The following DCDC2 variants were observed in gnomAD, a reference collection of about 807,000 sequenced individuals.
DCDC2 encodes the protein doublecortin domain containing 2.
DCDC2 carries 40 observed loss-of-function variants against 50.2 expected under a neutral mutation model. The observed-to-expected ratio is 0.80, with a 90% CI of 0.62 to 1.04. The LOEUF is 1.04. Among genes scored for constraint, DCDC2 ranks in the 50% least tolerant of loss-of-function variants. The probability of loss-of-function intolerance (pLI) is 0.00; values close to 1 mark genes in which losing one functional copy is unlikely to be tolerated. For synonymous variants in DCDC2, 234 were observed against 210.6 expected (o/e 1.11, Z -0.96); for missense variants, 570 against 581.9 (o/e 0.98, Z 0.21).
At chr6:24,261,652 T>C (rs1367690700) in intron 7 of DCDC2, among the ~76,000 whole-genome samples, 1 of 152,074 alleles carries the variant, frequency 6.6e-6, no homozygotes, top group Admixed American at 6.5e-5. Context: ...TTCAATAATA[T>C]CCTTCCTTAT....
At chr6:24,225,454 C>G (rs965885864) in intron 7 of DCDC2, among the ~76,000 whole-genome samples, 3 of 151,808 alleles carry the variant, frequency 2.0e-5, no homozygotes, top group Admixed American at 6.6e-5. Context: ...CATATACATA[C>G]TGAACGTAGA....
intron 8 of DCDC2, among the ~76,000 whole-genome samples, chr6:24,184,364 G>A (rs1274256308): frequency 6.6e-6 from 1 of 151,958 alleles, no homozygotes; most frequent in Non-Finnish European, 1.5e-5. Flanking sequence ...CTGAGCTCGG[G>A]AGTTCAAGAC....
At chr6:24,229,167 G>A (rs1182661907) in intron 7 of DCDC2, among the ~76,000 whole-genome samples, 1 of 152,146 alleles carries the variant, frequency 6.6e-6, no homozygotes, top group African/African-American at 2.4e-5. Flanking sequence ...CAGAGTCTGA[G>A]GCACATCTCA....
At chr6:24,380,626 A>T in the DCDC2 span, among the ~76,000 whole-genome samples, 3 of 152,200 alleles carry the variant, frequency 2.0e-5, no homozygotes, top group Non-Finnish European at 1.5e-5. Context: ...TTTTTATCAT[A>T]GATTTGTTCT....
intron 7 of DCDC2, among the ~76,000 whole-genome samples, chr6:24,234,207 AAGG>A (rs1245757265): frequency 2.0e-5 from 3 of 147,468 alleles, no homozygotes; most frequent in Non-Finnish European, 4.5e-5. Context: ...CCGTATGAGG[AAGG>A]AGAATTTTAA....
At chr6:24,268,954 A>G (rs1439597443) in intron 7 of DCDC2, among the ~76,000 whole-genome samples, 1 of 152,218 alleles carries the variant, frequency 6.6e-6, no homozygotes, top group Admixed American at 6.5e-5. Context: ...ATTGTATAAA[A>G]TAAGAATAAA....
At chr6:24,205,238 C>CCCT (rs1220445122) in intron 7 of DCDC2, 136 bp from the exon 8 acceptor site, 2 of 1,588,300 alleles carry the variant, frequency 1.3e-6, no homozygotes, top group African/African-American at 2.7e-5. Flanking sequence ...TTTGTGCACC[C>CCCT]CCTCCTCCGA....
chr6:24,241,812 A>C (rs111964638), intron 7 of DCDC2, among the ~76,000 whole-genome samples: 6,142 of 152,296 alleles, frequency 0.04, 266 homozygotes, highest in African/African-American at 0.11. Context: ...AGTAGAATAT[A>C]TGAATAGAAT....
rs528817378 is a variant in DCDC2, at chr6:24,309,680, A to G, written c.349-7636T>C. Among the ~76,000 whole-genome samples the G allele has an allele frequency of 3.9e-4, 60 of 152,354 alleles. No homozygotes were observed. The South Asian group carries it at 0.011, about 27-fold the overall frequency. On this transcript the variant is annotated intron_variant, in intron 2 of 9. Transcript: ENST00000378454. ...AAAAACAAATATTAGATGGAACAAA[A>G]AAACAAATAACATGATAAACTCGAT...
At chr6:24,367,391 T>C in the DCDC2 span, among the ~76,000 whole-genome samples, 1 of 152,184 alleles carries the variant, frequency 6.6e-6, no homozygotes, top group Non-Finnish European at 1.5e-5. Context: ...ATATGGAACC[T>C]CAAAGAGTTA....
In DCDC2 at chr6:24,205,007, C is replaced by G; in HGVS notation, c.1018G>C (p.Asp340His). Residue 340 changes from aspartate (D) to histidine (H), a missense_variant, in exon 8 of 10, where the codon GAT (aspartate) becomes CAT (histidine). By Grantham distance (81) the Asp-to-His change is moderately conservative. Coordinates refer to ENST00000378454, the MANE Select transcript of DCDC2 (RefSeq NM_016356.5). ...TTTTAAGGCATGGAGATTACCTGAT[C>G]GACTGGAACCTCAACCTGAGTATCT... ...DEDTQVEVPVDQRPAEIVDEE... is the reference protein window; with the variant it reads ...DEDTQVEVPVHQRPAEIVDEE... 6.2e-7 allele frequency: 1 copy of G among 1,612,900 alleles called. No individual in the cohort carries two copies. Among genetic ancestry groups the G allele is most frequent in the Non-Finnish European group, 8.5e-7 (1 of 1,179,316 alleles).
chr6:24,380,538 C>T, the DCDC2 span, among the ~76,000 whole-genome samples: 1 of 152,150 alleles, frequency 6.6e-6, no homozygotes, highest in African/African-American at 2.4e-5. Flanking sequence ...AAGGATGTGG[C>T]AGGAGTTGGC....
chr6:24,268,075 C>T (rs185705566), intron 7 of DCDC2, among the ~76,000 whole-genome samples: 2 of 152,324 alleles, frequency 1.3e-5, no homozygotes, highest in Non-Finnish European at 1.5e-5. Context: ...TGGAATACGT[C>T]CATACTAAAG....
At chr6:24,358,128 G>GCA (rs151251105), upstream of DCDC2, 1,450 of 528,592 alleles carry the variant, frequency 2.7e-3, 2 homozygotes, top group African/African-American at 9.2e-3. Flanking sequence ...AGAGGAGGAC[G>GCA]CACACACACA....
At chr6:24,364,208 A>G in the DCDC2 span, among the ~76,000 whole-genome samples, 4 of 152,176 alleles carry the variant, frequency 2.6e-5, no homozygotes, top group Non-Finnish European at 5.9e-5. Context: ...AACCCCCAAC[A>G]TATTACATAT....
chr6:24,226,677 G>A (rs1246295769), intron 7 of DCDC2, among the ~76,000 whole-genome samples: 1 of 152,214 alleles, frequency 6.6e-6, no homozygotes, highest in Non-Finnish European at 1.5e-5. Context: ...CTCATGGGCA[G>A]AGAGAATATG....
At chr6:24,377,520 G>A in the DCDC2 span, among the ~76,000 whole-genome samples, 1 of 152,130 alleles carries the variant, frequency 6.6e-6, no homozygotes, top group South Asian at 2.1e-4. Flanking sequence ...CACCGAAAAT[G>A]TCATTATACT....
Position 24,201,868 on chromosome 6 carries a change from G to T in DCDC2, c.1023+3134C>A, listed in dbSNP as rs527793486. Among the ~76,000 whole-genome samples, 21 of 152,210 alleles carry T rather than the reference G, an allele frequency of 1.4e-4. No homozygotes were observed. The East Asian group carries it at 3.5e-3, about 25-fold the overall frequency. ...CAGAGAATACTATGAACACCTCTAT[G>T]CAAATAAACTAGAAAATCTAGAAGA... On this transcript the variant is annotated intron_variant, in intron 8 of 9. Transcript: ENST00000378454.
intron 8 of DCDC2, among the ~76,000 whole-genome samples, chr6:24,189,809 A>G (rs1761275494): frequency 6.6e-6 from 1 of 152,198 alleles, no homozygotes; most frequent in African/African-American, 2.4e-5. Context: ...TGTAACATTT[A>G]TGAAGTTTCA....
Sources: gnomAD v4.1 joint callset for allele counts (sites outside exome capture counted in the v4.1 genomes callset) on GRCh38, gnomAD v4.1.1 for gene constraint, MANE v1.5 for transcripts, NCBI Gene and HGNC (gene_info 2026-07-23, HGNC 2026-07-21) for gene names.